Variants in DNAH12 observed in about 807,000 individuals in gnomAD.
DNAH12 encodes dynein axonemal heavy chain 12.
Under a neutral mutation model 371.5 loss-of-function variants are expected in DNAH12, and 285 were observed. That is an observed-to-expected ratio of 0.77 (90% CI 0.70 to 0.85). DNAH12 has a LOEUF of 0.85. Among genes scored for constraint, DNAH12 ranks in the 40% least tolerant of loss-of-function variants. The pLI is 0.00. For missense variants in DNAH12, 3,611 were observed against 3,689.4 expected (o/e 0.98, Z 0.55); for synonymous variants, 1,200 against 1,213.0 (o/e 0.99, Z 0.22).
intron 58 of DNAH12, among the ~76,000 whole-genome samples, chr3:57,357,981 T>A (rs2062839031): frequency 6.6e-6 from 1 of 152,216 alleles, no homozygotes; most frequent in Non-Finnish European, 1.5e-5. Context: ...TTCTCCAAGA[T>A]AATAGCTCTT....
chr3:57,310,983 C>T, intron 66 of DNAH12, 33 bp from the exon 67 acceptor site: 18 of 1,423,062 alleles, frequency 1.3e-5, no homozygotes, highest in Non-Finnish European at 1.7e-5. Context: ...CAAGAAAAAC[C>T]TTAAAGTATT....
chr3:57,412,346 A>G lies in DNAH12; in HGVS notation c.6020+1400T>C, dbSNP rs115186052. 8.8e-3 allele frequency among the ~76,000 whole-genome samples: 1,345 copies of G among 152,312 alleles called. 11 individuals are homozygous for G. The highest frequency in any genetic ancestry group is 0.031 in the African/African-American group (1,271 of 41,572). Reference sequence around the variant, plus strand: ...GCCTAAATATTAAATGCAATACTATAAAACTCCTAGGAGATAGCAAAGGAG... The same window carrying G: ...GCCTAAATATTAAATGCAATACTATGAAACTCCTAGGAGATAGCAAAGGAG... On this transcript the variant is annotated intron_variant, in intron 39 of 73. Coordinates refer to ENST00000495027, the MANE Select transcript of DNAH12 (RefSeq NM_001366028.2).
chr3:57,337,245 G>A (rs569140999), intron 60 of DNAH12, among the ~76,000 whole-genome samples: 3 of 152,320 alleles, frequency 2.0e-5, no homozygotes, highest in South Asian at 2.1e-4. Context: ...GGTGGCTCAC[G>A]CCTGTAATCC....
chr3:57,359,415 C>T (rs1342221270), intron 58 of DNAH12, among the ~76,000 whole-genome samples: 3 of 151,456 alleles, frequency 2.0e-5, no homozygotes, highest in South Asian at 2.1e-4. Flanking sequence ...CAAAATTAGC[C>T]GGACGTGGTG....
intron 44 of DNAH12, among the ~76,000 whole-genome samples, 200 bp downstream of exon 44, chr3:57,393,971 G>T (rs1471966433): frequency 6.6e-6 from 1 of 152,160 alleles, no homozygotes; most frequent in East Asian, 1.9e-4. Flanking sequence ...GAAGATAGGA[G>T]TTATAAAAAT....
At chr3:57,434,835 C>T (rs554019385) in intron 30 of DNAH12, among the ~76,000 whole-genome samples, 1 of 147,030 alleles carries the variant, frequency 6.8e-6, no homozygotes, top group East Asian at 2.0e-4. Context: ...GTACTGGTTT[C>T]ACTTAAAAAA....
intron 7 of DNAH12, among the ~76,000 whole-genome samples, chr3:57,508,071 C>T (rs143540154): frequency 0.014 from 2,081 of 151,554 alleles, 62 homozygotes; most frequent in African/African-American, 0.048. Flanking sequence ...CCTGTAATCC[C>T]AGCTACTCGG....
chr3:57,342,952 G>A (rs1298801231), intron 60 of DNAH12, among the ~76,000 whole-genome samples: 1 of 152,016 alleles, frequency 6.6e-6, no homozygotes, highest in South Asian at 2.1e-4. Flanking sequence ...TTGTGCCTGT[G>A]TCCCAGCTAC....
chr3:57,404,514 G>A (rs1388265848), intron 42 of DNAH12, among the ~76,000 whole-genome samples: 2 of 152,040 alleles, frequency 1.3e-5, no homozygotes, highest in South Asian at 2.1e-4. Context: ...TCAGGAGTTC[G>A]AGACCAGCCT....
intron 60 of DNAH12, among the ~76,000 whole-genome samples, chr3:57,337,577 T>G (rs1333110249): frequency 6.6e-6 from 1 of 152,176 alleles, no homozygotes; most frequent in East Asian, 1.9e-4. Context: ...GAGAATCACT[T>G]GAACCTGGGA....
At chr3:57,436,581 G>C (rs541333390) in intron 30 of DNAH12, among the ~76,000 whole-genome samples, 1 of 152,322 alleles carries the variant, frequency 6.6e-6, no homozygotes, top group South Asian at 2.1e-4. Flanking sequence ...TCTGGATCAA[G>C]AGGAACAACT....
At position 57,483,450 on chromosome 3, in the gene DNAH12, C is replaced by T; in HGVS notation, c.1576G>A (p.Glu526Lys). 4 of 1,551,488 alleles carry T rather than the reference C, an allele frequency of 2.6e-6. No individual in the cohort carries two copies. Among genetic ancestry groups the T allele is most frequent in the Non-Finnish European group, 3.5e-6 (4 of 1,146,866 alleles). ...HALKVPETTE[E>K]MMDLISYVEK... ...ACATAAGATATCAGATCCATCATCTCTTCTGTTGTTTCAGGGACTTTTAAT... is the reference window on the plus strand; with the variant it reads ...ACATAAGATATCAGATCCATCATCTTTTCTGTTGTTTCAGGGACTTTTAAT... The change falls in exon 13 of 74, where the codon GAG (glutamate) becomes AAG (lysine). Residue 526 changes from glutamate to lysine, a missense_variant. Physicochemically the swap from Glu to Lys is moderately conservative, Grantham distance 56. This residue lies in a region of DNAH12 where 1,314 missense variants were observed against 1,398.7 expected (regional missense o/e 0.94). Transcript: ENST00000495027.
rs2305223 is a variant in DNAH12, at chr3:57,522,447, A to G, written c.279+1136T>C. Among the ~76,000 whole-genome samples, 19 of 152,322 alleles carry G rather than the reference A, an allele frequency of 1.2e-4. No individual in the cohort carries two copies. The East Asian group carries it at 3.7e-3, about 29-fold the overall frequency. On this transcript the variant is annotated intron_variant, in intron 4 of 73. Transcript: ENST00000495027. ...TTGGCAATTTGTACATTAAATATTT[A>G]TTAATGTTTTGGGAATGTTGTGTAT...
rs2064284579 is a variant in DNAH12, at chr3:57,413,922, G to C, written c.5854-10C>G. The C allele has an allele frequency of 6.5e-7, 1 of 1,547,468 alleles. No homozygotes were observed. Among genetic ancestry groups the C allele is most frequent in the African/African-American group, 1.4e-5 (1 of 72,842 alleles). On this transcript the variant is annotated splice_polypyrimidine_tract_variant and intron_variant, in intron 38 of 73. Coordinates refer to ENST00000495027, the MANE Select transcript of DNAH12 (RefSeq NM_001366028.2). ...TAGCCATGATAATGTTCTAAAATAT[G>C]AAGGAAGAATGGTATATTTACCTAT...
Position 57,352,147 on chromosome 3 carries a change from G to A in DNAH12, c.9612C>T (p.Cys3204=). 3 of 1,542,754 alleles carry A rather than the reference G, an allele frequency of 1.9e-6. No individual in the cohort carries two copies. The highest frequency in any genetic ancestry group is 2.6e-6 in the Non-Finnish European group (3 of 1,144,640). The change falls in exon 60 of 74, where the codon TGC becomes TGT. Residue 3204 remains cysteine (C), a synonymous_variant. Coordinates refer to ENST00000495027, the MANE Select transcript of DNAH12 (RefSeq NM_001366028.2). ...HFTYNLYCNI[C]RSLFEKDKLL... ...GCTTGTCCTTCTCAAATAGTGATCG[G>A]CATATATTACAATATAAGTTGTATG... is the stretch of plus-strand genomic sequence containing the variant.
intron 34 of DNAH12, among the ~76,000 whole-genome samples, chr3:57,426,221 T>C (rs2153363834): frequency 6.6e-6 from 1 of 152,298 alleles, no homozygotes; most frequent in African/African-American, 2.4e-5. Context: ...GCCCAAAAAT[T>C]AGGCTTGAGA....
intron 60 of DNAH12, among the ~76,000 whole-genome samples, chr3:57,340,854 A>G (rs1275486441): frequency 3.3e-5 from 5 of 152,206 alleles, no homozygotes; most frequent in Non-Finnish European, 1.5e-5. Flanking sequence ...ACACAACATA[A>G]AAAAACTAGA....
chr3:57,484,375 T>A (rs1231117338), intron 12 of DNAH12, among the ~76,000 whole-genome samples: 2 of 152,144 alleles, frequency 1.3e-5, no homozygotes, highest in African/African-American at 4.8e-5. Context: ...AAAGTTACAT[T>A]TCATGGAATT....
chr3:57,534,989 G>T (rs893832534), intron 2 of DNAH12, among the ~76,000 whole-genome samples: 1 of 152,120 alleles, frequency 6.6e-6, no homozygotes, highest in Non-Finnish European at 1.5e-5. Context: ...TTAGGCATAG[G>T]CTTAAGATCT....
Sources: gnomAD v4.1 joint callset for allele counts (sites outside exome capture counted in the v4.1 genomes callset) on GRCh38, gnomAD v4.1.1 for gene constraint, gnomAD v4.1.1 regional missense constraint, MANE v1.5 for transcripts, NCBI Gene and HGNC (gene_info 2026-07-23, HGNC 2026-07-21) for gene names.